The following DDX56 variants were observed in gnomAD, a reference collection of about 807,000 sequenced individuals.
DDX56 encodes the protein DEAD-box helicase 56, also known as probable ATP-dependent RNA helicase DDX56.
In DDX56, 45 loss-of-function variants were observed where a neutral mutation model predicts 61.5. The observed-to-expected ratio is 0.73, with a 90% CI of 0.58 to 0.94. DDX56 has a LOEUF of 0.94. Among genes scored for constraint, DDX56 ranks in the 40% least tolerant of loss-of-function variants. The pLI, the probability that DDX56 is intolerant of heterozygous loss-of-function variation, is 0.00. For missense variants in DDX56, 708 were observed against 690.7 expected, an observed-to-expected ratio of 1.02 and a Z score of -0.28; for synonymous variants, 273 against 268.3, an observed-to-expected ratio of 1.02 and a Z score of -0.17.
chr7:44,573,489 C>CAGGGCAAGAG, intron 2 of DDX56, 94 bp downstream of exon 2: 1 of 1,509,872 alleles, frequency 6.6e-7, no homozygotes. Flanking sequence ...TGCACGGGTA[C>CAGGGCAAGAG]AGGGCCAAGA....
At chr7:44,566,978 T>C (rs1434271723) in intron 12 of DDX56, among the ~76,000 whole-genome samples, 1 of 152,008 alleles carries the variant, frequency 6.6e-6, no homozygotes, top group African/African-American at 2.4e-5. Flanking sequence ...TCCTGACACC[T>C]TTCCACCTTC....
chr7:44,568,200 C>T lies in DDX56; in HGVS notation c.1407G>A (p.Arg469=), dbSNP rs775623995. 1.2e-6 allele frequency: 2 copies of T among 1,612,232 alleles called. No individual in the cohort carries two copies. The highest frequency in any genetic ancestry group is 2.2e-5 in the South Asian group (2 of 90,986). The stretch of plus-strand genomic sequence containing the variant: ...GGTCATGCCGCAGCAGCTGGAGGTC[C>T]CTAGGGTTGTCTTCAAAGTATGTCT... The part of the protein sequence containing the change: ...KLKTYFEDNP[R]DLQLLRHDLP... Residue 469 remains arginine (R), a synonymous_variant, in exon 12 of 14, where the codon AGG becomes AGA. Transcript: ENST00000258772.
chr7:44,571,760 G>A (rs372992961), intron 5 of DDX56, 24 bp from the exon 6 acceptor site: 1 of 1,612,116 alleles, frequency 6.2e-7, no homozygotes, highest in African/African-American at 1.3e-5. Flanking sequence ...CAGGCCTGTG[G>A]TCAGAAAGGA....
intron 11 of DDX56, 103 bp from the exon 12 acceptor site, chr7:44,568,326 T>A: frequency 1.3e-6 from 1 of 789,010 alleles, no homozygotes; most frequent in Non-Finnish European, 2.0e-6. Context: ...TCAAAAGGCA[T>A]GAGGCAGCTG....
intron 12 of DDX56, among the ~76,000 whole-genome samples, chr7:44,567,187 C>T (rs996927040): frequency 1.3e-5 from 2 of 152,084 alleles, no homozygotes; most frequent in Non-Finnish European, 2.9e-5. Flanking sequence ...CGGCCCCCAC[C>T]GCTCTCTCTG....
rs916610695 is a variant in DDX56, at chr7:44,568,212, T to A, written c.1395A>T (p.Glu465Asp). ...LHSEKLKTYFEDNPRDLQLLR... is the reference protein window; with the variant it reads ...LHSEKLKTYFDDNPRDLQLLR... ...GCAGCTGGAGGTCCCTAGGGTTGTC[T>A]TCAAAGTATGTCTGCCGGGGGAAGA... The change falls in exon 12 of 14, where the codon GAA becomes GAT. Residue 465 changes from glutamate to aspartate, a missense_variant. Physicochemically the swap from Glu to Asp is conservative, Grantham distance 45 (BLOSUM62 2). Coordinates refer to ENST00000258772, the MANE Select transcript of DDX56 (RefSeq NM_019082.4). The A allele has an allele frequency of 6.2e-7, 1 of 1,609,654 alleles. No individual in the cohort carries two copies. Among genetic ancestry groups the A allele is most frequent in the African/African-American group, 1.3e-5 (1 of 74,830 alleles).
intron 12 of DDX56, chr7:44,567,675 C>A: frequency 3.9e-6 from 1 of 257,066 alleles, no homozygotes; most frequent in East Asian, 1.3e-4. Flanking sequence ...AGTCTGTCTC[C>A]CTGCTGACTG....
Position 44,572,383 on chromosome 7 carries a change from G to A in DDX56, c.609C>T (p.Asp203=), listed in dbSNP as rs139107442. 2.9e-5 allele frequency: 47 copies of A among 1,614,068 alleles called. No individual in the cohort carries two copies. The African/African-American group carries it at 3.7e-4, about 13-fold the overall frequency. ...AFLMSATFNE[D]VQALKELILH... is the part of the protein sequence containing the mutation. ...ATATCAGCTCCTTGAGTGCTTGTAC[G>A]TCCTCGTTAAAAGTAGCTGACATGA... The change falls in exon 5 of 14, where the codon GAC becomes GAT. Residue 203 remains aspartate (D), a synonymous_variant. Coordinates refer to ENST00000258772, the MANE Select transcript of DDX56 (RefSeq NM_019082.4).
At chr7:44,573,446 T>C in intron 2 of DDX56, 137 bp downstream of exon 2, 1 of 1,184,994 alleles carries the variant, frequency 8.4e-7, no homozygotes, top group African/African-American at 1.5e-5. Context: ...CCCAGAGTGT[T>C]TGCCACAACA....
At chr7:44,570,515 A>G (rs1802643777) in intron 7 of DDX56, among the ~76,000 whole-genome samples, 1 of 152,214 alleles carries the variant, frequency 6.6e-6, no homozygotes, top group African/African-American at 2.4e-5. Context: ...TCTCCCCTGC[A>G]GGGCTCTGCA....
rs746883133 is a variant in DDX56 at position 44,570,037 on chromosome 7, C to T, written c.1102G>A (p.Ala368Thr). 8 of 1,614,086 alleles carry T rather than the reference C, an allele frequency of 5.0e-6. No individual in the cohort carries two copies. The highest frequency in any genetic ancestry group is 1.7e-5 in the Admixed American group (1 of 60,008). Residue 368 changes from alanine to threonine, a missense_variant, in exon 8 of 14, where the codon GCC becomes ACC. Coordinates refer to ENST00000258772, the MANE Select transcript of DDX56 (RefSeq NM_019082.4). ...LNFDLPPTPE[A>T]YIHRAGRTAR... ...TACCTGCCAGCTCGATGGATGTAGGCCTCAGGGGTTGGGGGAAGATCAAAG... is the reference window on the plus strand; with the variant it reads ...TACCTGCCAGCTCGATGGATGTAGGTCTCAGGGGTTGGGGGAAGATCAAAG...
In DDX56 at chr7:44,573,578, C is replaced by T. The variant is rs1030678595; in HGVS notation, c.222+5G>A. The T allele has an allele frequency of 6.2e-7, 1 of 1,612,574 alleles. No individual in the cohort carries two copies. The highest frequency in any genetic ancestry group is 1.3e-5 in the African/African-American group (1 of 75,052). On this transcript the variant is annotated splice_donor_5th_base_variant and intron_variant, in intron 2 of 13. Transcript: ENST00000258772. ...CTTCCTCCCCTCAGCTCTCTCGTTA[C>T]CCACCGCCTTCCTATGGAGCAACAG...
In DDX56 at chr7:44,572,579, G is replaced by A. The variant is rs1340554920; in HGVS notation, c.549C>T (p.Leu183=). 4.3e-6 allele frequency: 7 copies of A among 1,613,934 alleles called. No individual in the cohort carries two copies. The African/African-American group carries it at 8.0e-5, about 18-fold the overall frequency. The change falls in exon 4 of 14, where the codon CTC becomes CTT. Residue 183 remains leucine (L), a synonymous_variant. Transcript: ENST00000258772. ...CACACCCACCTCTGCCTTACCAGAG[G>A]AGACTCTTGAGCTCTTCTTCAAAGC... The part of the protein sequence containing the change: ...SFGFEEELKS[L]LCHLPRIYQA...
intron 13 of DDX56, 27 bp from the exon 14 acceptor site, chr7:44,566,106 T>A (rs1261035646): frequency 2.4e-5 from 37 of 1,524,266 alleles, no homozygotes; most frequent in Non-Finnish European, 3.2e-5. Flanking sequence ...ACAGGTTAGT[T>A]GGGGGAATCA....
chr7:44,569,938 C>A, intron 8 of DDX56, 35 bp from the exon 9 acceptor site: 1 of 1,611,426 alleles, frequency 6.2e-7, no homozygotes, highest in Non-Finnish European at 8.5e-7. Context: ...GCATCTCCAA[C>A]CCGCAGGCTC....
Position 44,568,234 on chromosome 7 carries a change from A to G in DDX56, c.1384-11T>C. On this transcript the variant is annotated splice_polypyrimidine_tract_variant and intron_variant, in intron 11 of 13. Coordinates refer to ENST00000258772, the MANE Select transcript of DDX56 (RefSeq NM_019082.4). ...GTCTTCAAAGTATGTCTGCCGGGGG[A>G]AGAGGGAGAGCCACAGAGTGAGCAT... 1 of 1,592,760 alleles carries G rather than the reference A, an allele frequency of 6.3e-7. No homozygotes were observed. The highest frequency in any genetic ancestry group is 8.6e-7 in the Non-Finnish European group (1 of 1,163,840).
Position 44,569,004 on chromosome 7 carries a change from C to A in DDX56, c.1294-12G>T. On this transcript the variant is annotated splice_polypyrimidine_tract_variant and intron_variant, in intron 10 of 13. Coordinates refer to ENST00000258772, the MANE Select transcript of DDX56 (RefSeq NM_019082.4). ...GAGCGCATGGCATCCTGGGGGTGGA[C>A]ACTGAAGGTCAAGACAGTGAGGCTG... 1 of 1,613,988 alleles carries A rather than the reference C, an allele frequency of 6.2e-7. No homozygotes were observed.
intron 7 of DDX56, 118 bp downstream of exon 7, chr7:44,570,640 C>T: frequency 7.3e-7 from 1 of 1,377,644 alleles, no homozygotes; most frequent in Non-Finnish European, 9.8e-7. Flanking sequence ...CTGGGCTACA[C>T]TACCAGCCAG....
intron 9 of DDX56, 129 bp downstream of exon 9, chr7:44,569,680 G>A (rs1333451102): frequency 1.6e-5 from 13 of 829,938 alleles, no homozygotes; most frequent in Non-Finnish European, 2.5e-5. Context: ...ACTCAGGGCA[G>A]AACAAGGATG....
Sources: gnomAD v4.1 joint callset for allele counts (sites outside exome capture counted in the v4.1 genomes callset) on GRCh38, gnomAD v4.1.1 for gene constraint, MANE v1.5 for transcripts, NCBI Gene and HGNC (gene_info 2026-07-23, HGNC 2026-07-21) for gene names.